PDE1C: variants seen among roughly 807,000 people sequenced by gnomAD.
The protein encoded by PDE1C is phosphodiesterase 1C.
PDE1C carries 62 observed loss-of-function variants against 93.1 expected under a neutral mutation model. The observed-to-expected ratio is 0.67, with a 90% CI of 0.54 to 0.82. PDE1C has a LOEUF of 0.82. PDE1C is among the 40% of genes least tolerant of loss of function. The probability of loss-of-function intolerance (pLI) is 0.00; values close to 1 mark genes in which losing one functional copy is unlikely to be tolerated. For missense variants in PDE1C, 742 were observed against 884.6 expected (o/e 0.84, Z 2.04); for synonymous variants, 325 against 310.1 (o/e 1.05, Z -0.50).
At chr7:31,996,066 GACACACACACACAC>G (rs3078631) in intron 2 of PDE1C, among the ~76,000 whole-genome samples, 11,983 of 138,614 alleles carry the variant, frequency 0.086, 610 homozygotes, top group Middle Eastern at 0.15. Context: ...TACGCTTCCG[GACACACACACACAC>G]ACACACACAC....
intron 2 of PDE1C, among the ~76,000 whole-genome samples, chr7:31,920,638 A>C (rs779671514): frequency 8.5e-5 from 13 of 152,214 alleles, no homozygotes; most frequent in Non-Finnish European, 1.8e-4. Flanking sequence ...TAAAATTATC[A>C]CATGTTCCTA....
chr7:32,309,826 A>G lies in PDE1C; in HGVS notation c.311-100287T>C, dbSNP rs577133329. On this transcript the variant is annotated intron_variant, in intron 1 of 1. Coordinates refer to the PDE1C transcript ENST00000672256. The stretch of plus-strand genomic sequence containing the variant: ...AAATGTAAAGACCATCAAGGCTAGG[A>G]AGAAACTGGATCAACTAACAAGCAA... Among the ~76,000 whole-genome samples, 19 of 152,354 alleles carry G rather than the reference A, an allele frequency of 1.2e-4. No individual in the cohort carries two copies. The South Asian group carries it at 3.5e-3, about 28-fold the overall frequency.
chr7:31,870,721 G>A (rs1033179200), intron 6 of PDE1C, among the ~76,000 whole-genome samples: 2 of 151,894 alleles, frequency 1.3e-5, no homozygotes, highest in African/African-American at 4.8e-5. Context: ...CCAAAAAATT[G>A]AGGGGCAATT....
At position 31,775,820 on chromosome 7, in the gene PDE1C, T is replaced by C. The variant is rs530050671; in HGVS notation, c.1892-88A>G. 4.9e-5 allele frequency: 56 copies of C among 1,133,512 alleles called. No homozygotes were observed. In the African/African-American group the frequency reaches 8.2e-4, roughly 17 times the overall value. The allele number at this position is 1,133,512 out of a possible 1,614,324, so 70.2% of individuals were successfully genotyped here. On this transcript the variant is annotated intron_variant, in intron 16 of 17. Transcript: ENST00000396191. ...AATGTTCATCTGAAATGTTATCAAG[T>C]TGGGGTCTGAAAACAATGTTTAGAA...
intron 2 of PDE1C, among the ~76,000 whole-genome samples, chr7:32,006,009 T>C (rs1786201654): frequency 1.3e-5 from 2 of 152,216 alleles, no homozygotes. Context: ...GTCACTTCTT[T>C]AAAATGTCAT....
chr7:31,929,201 A>G (rs1366763636), intron 2 of PDE1C, among the ~76,000 whole-genome samples: 1 of 152,218 alleles, frequency 6.6e-6, no homozygotes, highest in Non-Finnish European at 1.5e-5. Context: ...AGGGCATTAC[A>G]TAATGGTAAA....
intron 3 of PDE1C, among the ~76,000 whole-genome samples, chr7:32,124,652 G>A (rs1799472053): frequency 1.3e-5 from 2 of 152,058 alleles, no homozygotes; most frequent in Admixed American, 6.6e-5. Flanking sequence ...CTAGCCATAT[G>A]CAGAAAACTG....
At chr7:32,184,928 G>A (rs1296439556) in intron 2 of PDE1C, among the ~76,000 whole-genome samples, 5 of 151,926 alleles carry the variant, frequency 3.3e-5, no homozygotes, top group East Asian at 1.9e-4. Context: ...CCTGACCAAC[G>A]TGGAGAAACC....
chr7:32,079,243 T>C (rs981440142), intron 3 of PDE1C, among the ~76,000 whole-genome samples: 1 of 141,778 alleles, frequency 7.1e-6, no homozygotes, highest in Non-Finnish European at 1.6e-5. Flanking sequence ...AGGTATACAA[T>C]GGTCAATTAA....
At chr7:31,789,526 A>C (rs1784351980) in intron 16 of PDE1C, 1 of 459,998 alleles carries the variant, frequency 2.2e-6, no homozygotes, top group East Asian at 1.5e-4. Flanking sequence ...CAGTACAGTC[A>C]CCAGCTGAAC....
intron 16 of PDE1C, among the ~76,000 whole-genome samples, chr7:31,777,265 C>G (rs1282147075): frequency 6.6e-6 from 1 of 152,030 alleles, no homozygotes; most frequent in Non-Finnish European, 1.5e-5. Flanking sequence ...TTTCCCTACC[C>G]CAGAATCCCT....
chr7:32,298,786 G>GT lies in PDE1C; in HGVS notation c.-52dup, dbSNP rs1202543967. ...CGCAGCGAGACCAGCGGCGTCTGCGGTCCCCCCCACGGCGGAGTGAGCAGC... is the reference window on the plus strand; with the variant it reads ...CGCAGCGAGACCAGCGGCGTCTGCGGTTCCCCCCCACGGCGGAGTGAGCAGC... On this transcript the variant is annotated 5_prime_UTR_variant, in exon 1 of 19. Transcript: ENST00000396193. The GT allele has an allele frequency of 1.3e-5, 20 of 1,544,120 alleles. No individual in the cohort carries two copies. In the Admixed American group the frequency reaches 3.9e-4, roughly 30 times the overall value.
the PDE1C span, among the ~76,000 whole-genome samples, chr7:31,666,676 C>A: frequency 3.3e-5 from 5 of 152,040 alleles, no homozygotes; most frequent in African/African-American, 1.2e-4. Flanking sequence ...TGAATTTTGA[C>A]AAATACATTT....
intron 9 of PDE1C, 48 bp from the exon 10 acceptor site, chr7:31,838,019 A>T (rs768855899): frequency 7.9e-7 from 1 of 1,272,040 alleles, no homozygotes; most frequent in Non-Finnish European, 1.1e-6. Flanking sequence ...CAAAAATGGA[A>T]AGTAAAAATC....
the PDE1C span, among the ~76,000 whole-genome samples, chr7:31,681,582 A>ACCTT: frequency 1.3e-5 from 2 of 152,036 alleles, no homozygotes; most frequent in Admixed American, 6.5e-5. Flanking sequence ...CACCCAATGC[A>ACCTT]CCTTCTTGTG....
intron 2 of PDE1C, among the ~76,000 whole-genome samples, chr7:32,001,746 G>A (rs1328790131): frequency 6.6e-6 from 1 of 152,140 alleles, no homozygotes; most frequent in Non-Finnish European, 1.5e-5. Context: ...AAGGCTCCAA[G>A]GCAGAACTTC....
Position 31,753,679 on chromosome 7 carries a change from G to T in PDE1C, c.1961-126C>A, listed in dbSNP as rs1794257192. 1.1e-5 allele frequency: 15 copies of T among 1,346,206 alleles called. No individual in the cohort carries two copies. The South Asian group carries it at 2.1e-4, about 19-fold the overall frequency. The allele number at this position is 1,346,206 out of a possible 1,614,324, so 83.4% of individuals were successfully genotyped here. ...TCCAAGACCAGGAAAGAAGCAGTTT[G>T]GATTCTCCCTGGAAACCTTATGGCA... On this transcript the variant is annotated intron_variant, in intron 17 of 17. Transcript: ENST00000396191.
intron 1 of PDE1C, among the ~76,000 whole-genome samples, chr7:32,280,377 G>T (rs1297926593): frequency 1.3e-5 from 2 of 151,932 alleles, no homozygotes; most frequent in African/African-American, 2.4e-5. Flanking sequence ...ATTATATTAG[G>T]ATAATTCTTT....
At chr7:31,956,445 C>T (rs1808159028) in intron 2 of PDE1C, among the ~76,000 whole-genome samples, 1 of 151,726 alleles carries the variant, frequency 6.6e-6, no homozygotes. Flanking sequence ...GTGGGGCAAG[C>T]TCCTTCTGAC....
Sources: allele counts gnomAD v4.1 joint callset (sites outside exome capture counted in the v4.1 genomes callset), GRCh38; gene constraint gnomAD v4.1.1; transcripts MANE v1.5; gene names NCBI Gene and HGNC (gene_info 2026-07-23, HGNC 2026-07-21).